Variants in DCDC2C observed in about 807,000 individuals in gnomAD.
The protein encoded by DCDC2C is doublecortin domain containing 2C.
Under a neutral mutation model 45.0 loss-of-function variants are expected in DCDC2C, and 44 were observed. The observed-to-expected ratio is 0.98, with a 90% CI of 0.77 to 1.26. DCDC2C has a LOEUF of 1.26. Among genes scored for constraint, DCDC2C ranks in the 50% most tolerant of loss-of-function variants. The pLI is 0.00. For missense variants in DCDC2C, 447 were observed against 468.9 expected (o/e 0.95, Z 0.43); for synonymous variants, 187 against 178.8 (o/e 1.05, Z -0.37).
At chr2:3,747,187 A>G (rs1669395400) in intron 4 of DCDC2C, among the ~76,000 whole-genome samples, 1 of 152,172 alleles carries the variant, frequency 6.6e-6, no homozygotes, top group South Asian at 2.1e-4. Flanking sequence ...CGTGGCCCAC[A>G]CCTGTGAACT....
intron 10 of DCDC2C, among the ~76,000 whole-genome samples, chr2:3,809,785 C>G (rs1472017917): frequency 6.6e-6 from 1 of 152,098 alleles, no homozygotes; most frequent in Non-Finnish European, 1.5e-5. Flanking sequence ...TTGTTCCCCT[C>G]TCTGTTGTCC....
intron 3 of DCDC2C, among the ~76,000 whole-genome samples, chr2:3,728,506 G>A (rs1668764107): frequency 6.6e-6 from 1 of 152,110 alleles, no homozygotes; most frequent in African/African-American, 2.4e-5. Context: ...TTTTATGTGC[G>A]TGACCCAGGC....
At chr2:3,769,436 A>G (rs191596391) in intron 8 of DCDC2C, 25 bp downstream of exon 8, 4 of 1,544,488 alleles carry the variant, frequency 2.6e-6, no homozygotes, top group Non-Finnish European at 3.5e-6. Flanking sequence ...TCCGATGTCC[A>G]TGCCGTCTTC....
chr2:3,772,199 G>T (rs1383074667), intron 8 of DCDC2C, among the ~76,000 whole-genome samples: 1 of 152,170 alleles, frequency 6.6e-6, no homozygotes, highest in Non-Finnish European at 1.5e-5. Flanking sequence ...CAAATCCCAG[G>T]CCATTGCTTC....
intron 4 of DCDC2C, among the ~76,000 whole-genome samples, chr2:3,742,703 G>A (rs73144821): frequency 0.018 from 2,754 of 152,330 alleles, 79 homozygotes; most frequent in African/African-American, 0.063. Context: ...CATAGTAGGC[G>A]TGAAATGGGT....
At chr2:3,762,624 C>T (rs1572596418) in intron 6 of DCDC2C, among the ~76,000 whole-genome samples, 1 of 152,136 alleles carries the variant, frequency 6.6e-6, no homozygotes, top group South Asian at 2.1e-4. Flanking sequence ...CACACTTAAC[C>T]TGATCTCGTG....
intron 10 of DCDC2C, among the ~76,000 whole-genome samples, chr2:3,822,696 T>C (rs1671723282): frequency 6.6e-6 from 1 of 152,106 alleles, no homozygotes; most frequent in Admixed American, 6.5e-5. Context: ...TTTGTATAGC[T>C]TCTTAAGGTG....
Position 3,725,158 on chromosome 2 carries a change from G to A in DCDC2C, c.340-1845G>A, listed in dbSNP as rs974550352. 4.6e-5 allele frequency among the ~76,000 whole-genome samples: 7 copies of A among 152,278 alleles called. No homozygotes were observed. The East Asian group carries it at 1.2e-3, about 25-fold the overall frequency. On this transcript the variant is annotated intron_variant, in intron 2 of 10. Transcript: ENST00000399143. ...AGTTTCCTGGGTGGGTGTGAAGTAG[G>A]CAGTAGGAAGGACACCAAATGAATT...
intron 10 of DCDC2C, among the ~76,000 whole-genome samples, chr2:3,811,356 T>G (rs915571460): frequency 1.3e-5 from 2 of 152,100 alleles, no homozygotes; most frequent in East Asian, 3.9e-4. Flanking sequence ...TGAATGGGAG[T>G]TCATTTATGG....
chr2:3,754,767 A>T lies in DCDC2C; in HGVS notation c.726+133A>T, dbSNP rs1029846459. The T allele has an allele frequency of 1.7e-5, 12 of 699,782 alleles. 1 individual carries two copies. The highest frequency in any genetic ancestry group is 2.8e-5 in the Non-Finnish European group (12 of 428,968). 43.3% of individuals were successfully genotyped at this position (699,782 alleles called of 1,614,324 possible). On this transcript the variant is annotated intron_variant, in intron 6 of 10. Coordinates refer to ENST00000399143, the MANE Select transcript of DCDC2C (RefSeq NM_001287444.2). ...CAGTGCCAGGGCCTGGGCCAGCATC[A>T]GTGCCAGGCTTATAAGGAAAAATCA...
Position 3,847,354 on chromosome 2 carries a change from T to G in DCDC2C, c.*171T>G, listed in dbSNP as rs1426097292. On this transcript the variant is annotated 3_prime_UTR_variant, in exon 11 of 11. Transcript: ENST00000399143. ...CGAGGTTTCATAATTGAGCTCCATT[T>G]CTTCTTATTCCCTTTCTCAGTGATA... is the stretch of plus-strand genomic sequence containing the variant. 1.3e-5 allele frequency: 5 copies of G among 399,080 alleles called. No homozygotes were observed. In the Admixed American group the frequency reaches 2.2e-4, roughly 18 times the overall value. 24.7% of individuals were successfully genotyped at this position (399,080 alleles called of 1,614,324 possible). A position where few individuals can be genotyped will look rare whatever the true frequency, so the allele number is the denominator to read the frequency against.
intron 9 of DCDC2C, 138 bp from the exon 10 acceptor site, chr2:3,784,921 C>T (rs770205121): frequency 3.7e-5 from 19 of 511,678 alleles, no homozygotes; most frequent in African/African-American, 7.9e-5. Flanking sequence ...TGAGGCTTTA[C>T]GCCAAGCTCC....
chr2:3,826,150 G>A (rs1291691783), intron 10 of DCDC2C, among the ~76,000 whole-genome samples: 2 of 152,132 alleles, frequency 1.3e-5, no homozygotes, highest in Non-Finnish European at 2.9e-5. Flanking sequence ...TAAACAGCTG[G>A]CATAATGTAG....
chr2:3,815,503 CT>C (rs1671532997), intron 10 of DCDC2C, among the ~76,000 whole-genome samples: 1 of 152,204 alleles, frequency 6.6e-6, no homozygotes, highest in Admixed American at 6.5e-5. Flanking sequence ...CTTCTGGTTA[CT>C]TTTTGCAAAT....
intron 1 of DCDC2C, among the ~76,000 whole-genome samples, chr2:3,706,254 G>A (rs910377359): frequency 3.3e-4 from 50 of 152,088 alleles, no homozygotes; most frequent in African/African-American, 1.1e-3. Flanking sequence ...TTAGTGATCC[G>A]GGAGCTCCCC....
chr2:3,721,992 C>G (rs1668516849), intron 2 of DCDC2C, among the ~76,000 whole-genome samples: 1 of 152,240 alleles, frequency 6.6e-6, no homozygotes, highest in Admixed American at 6.5e-5. Context: ...AGCGTGAAAA[C>G]AAACTAATAC....
intron 10 of DCDC2C, among the ~76,000 whole-genome samples, chr2:3,798,532 T>C (rs200100113): frequency 0.076 from 10,893 of 142,420 alleles, 234 homozygotes; most frequent in East Asian, 0.22. Context: ...CCATGTTTAG[T>C]GCTTCCTTCA....
intron 10 of DCDC2C, among the ~76,000 whole-genome samples, chr2:3,842,030 G>T (rs1248899130): frequency 6.6e-6 from 1 of 152,146 alleles, no homozygotes; most frequent in Non-Finnish European, 1.5e-5. Context: ...CAGAAGGGAA[G>T]GTGCCTTGTT....
At chr2:3,833,171 T>A (rs1671993895) in intron 10 of DCDC2C, among the ~76,000 whole-genome samples, 1 of 152,228 alleles carries the variant, frequency 6.6e-6, no homozygotes, top group African/African-American at 2.4e-5. Flanking sequence ...TTCTCTTCTG[T>A]CTTCCTCGTC....
Sources: allele counts gnomAD v4.1 joint callset (sites outside exome capture counted in the v4.1 genomes callset), GRCh38; gene constraint gnomAD v4.1.1; transcripts MANE v1.5; gene names NCBI Gene and HGNC (gene_info 2026-07-23, HGNC 2026-07-21).